Variants in ANLN observed in about 807,000 individuals in gnomAD.
ANLN encodes anillin, actin binding protein, also known as anillin.
ANLN carries 59 observed loss-of-function variants against 135.1 expected under a neutral mutation model. That is an observed-to-expected ratio of 0.44 (90% CI 0.35 to 0.54). The LOEUF is 0.54. Ranked by LOEUF, ANLN falls within the 20% of genes least tolerant of loss-of-function variation. The probability of loss-of-function intolerance (pLI) is 0.00; values close to 1 mark genes in which losing one functional copy is unlikely to be tolerated. For missense variants in ANLN, 1,182 were observed against 1,340.0 expected, an observed-to-expected ratio of 0.88 and a Z score of 1.84; for synonymous variants, 406 against 456.4, an observed-to-expected ratio of 0.89 and a Z score of 1.41.
intron 7 of ANLN, among the ~76,000 whole-genome samples, chr7:36,414,934 T>G (rs1175895244): frequency 6.6e-6 from 1 of 152,170 alleles, no homozygotes; most frequent in Non-Finnish European, 1.5e-5. Context: ...GTACCTAACA[T>G]AGAGGGTTAT....
intron 5 of ANLN, among the ~76,000 whole-genome samples, chr7:36,408,861 G>C (rs146367571): frequency 3.9e-5 from 6 of 152,124 alleles, no homozygotes; most frequent in African/African-American, 1.2e-4. Context: ...ACACTTCCAC[G>C]TACTGTTAAT....
At chr7:36,444,487 A>G (rs1180367807) in intron 22 of ANLN, among the ~76,000 whole-genome samples, 3 of 151,960 alleles carry the variant, frequency 2.0e-5, no homozygotes, top group Admixed American at 1.3e-4. Flanking sequence ...TTTAAATTTA[A>G]TTTTTTATCT....
chr7:36,394,954 A>G (rs1786635786), intron 1 of ANLN, among the ~76,000 whole-genome samples: 1 of 152,220 alleles, frequency 6.6e-6, no homozygotes, highest in South Asian at 2.1e-4. Flanking sequence ...TGGAATGGCT[A>G]AGATTTCAAT....
At chr7:36,425,557 G>A in intron 17 of ANLN, 145 bp from the exon 18 acceptor site, 1 of 646,390 alleles carries the variant, frequency 1.5e-6, no homozygotes. Context: ...GCCTCCCAAA[G>A]TGATGGGATT....
intron 22 of ANLN, among the ~76,000 whole-genome samples, chr7:36,448,398 C>T (rs1789106748): frequency 1.3e-5 from 2 of 152,230 alleles, no homozygotes; most frequent in East Asian, 1.9e-4. Flanking sequence ...ATTAATTATT[C>T]GTTTTCAGGT....
chr7:36,406,116 C>A, intron 3 of ANLN, 65 bp from the exon 4 acceptor site: 10 of 1,465,552 alleles, frequency 6.8e-6, no homozygotes, highest in Non-Finnish European at 9.2e-6. Context: ...TAGAGTGATC[C>A]TGGTATTATA....
Position 36,422,752 on chromosome 7 carries a change from T to G in ANLN, c.2419T>G (p.Ser807Ala), listed in dbSNP as rs767303054. ...FMPSKGSVTL[S>A]EIRLPLKADF... is the part of the protein sequence containing the mutation. ...GCCATCCAAAGGATCAGTTACTTTG[T>G]CAGAAATCCGCTTGCCTCTAAAAGC... The change falls in exon 14 of 24, where the codon TCA (serine) becomes GCA (alanine). Residue 807 changes from serine (S) to alanine (A), a missense_variant. By Grantham distance (99) the Ser-to-Ala change is moderately conservative (BLOSUM62 1). Around this residue, in one of 3 missense-constraint regions of ANLN, gnomAD observed 1,022 missense variants for 1,134.0 expected, o/e 0.90. Coordinates refer to ENST00000265748, the MANE Select transcript of ANLN (RefSeq NM_018685.5). The G allele has an allele frequency of 1.2e-6, 2 of 1,613,554 alleles. No individual in the cohort carries two copies. Among genetic ancestry groups the G allele is most frequent in the Non-Finnish European group, 1.7e-6 (2 of 1,179,796 alleles).
At chr7:36,448,039 G>A (rs1789087456) in intron 22 of ANLN, among the ~76,000 whole-genome samples, 1 of 151,732 alleles carries the variant, frequency 6.6e-6, no homozygotes, top group Non-Finnish European at 1.5e-5. Context: ...TTTTGAGACA[G>A]GGTCTCGCTC....
chr7:36,417,424 T>TC (rs1367508820), intron 9 of ANLN, among the ~76,000 whole-genome samples: 1 of 152,112 alleles, frequency 6.6e-6, no homozygotes, highest in Admixed American at 6.5e-5. Flanking sequence ...GTTGCTGCCC[T>TC]CCCACGCTCT....
Position 36,407,786 on chromosome 7 carries a change from G to C in ANLN, c.926G>C (p.Cys309Ser). 6.2e-7 allele frequency: 1 copy of C among 1,613,812 alleles called. No homozygotes were observed. The highest frequency in any genetic ancestry group is 8.5e-7 in the Non-Finnish European group (1 of 1,179,826). Residue 309 changes from cysteine to serine, a missense_variant, in exon 5 of 24, where the codon TGT becomes TCT. Cys to Ser is a moderately radical substitution (Grantham distance 112, BLOSUM62 -1). Transcript: ENST00000265748. The stretch of plus-strand genomic sequence containing the variant: ...ACATCTATCACTGATGCTAAAAGTT[G>C]TGAGGGACAAAATCCTGAGCTACTT... ...STTSITDAKS[C>S]EGQNPELLPK...
intron 4 of ANLN, 120 bp from the exon 5 acceptor site, chr7:36,407,614 A>G: frequency 1.3e-6 from 1 of 775,674 alleles, no homozygotes; most frequent in Non-Finnish European, 2.0e-6. Context: ...GAGCAAAATC[A>G]TTTCATTTTC....
At chr7:36,425,857 C>A in intron 18 of ANLN, 117 bp downstream of exon 18, 1 of 1,172,248 alleles carries the variant, frequency 8.5e-7, no homozygotes. Context: ...TTAACATGTA[C>A]TAATGGGGGG....
chr7:36,418,754 C>CTTT (rs71553066), intron 9 of ANLN, among the ~76,000 whole-genome samples: 31 of 143,804 alleles, frequency 2.2e-4, no homozygotes, highest in African/African-American at 3.8e-4. Flanking sequence ...TTTCTTTTTT[C>CTTT]TTTTTTTTTT....
rs539935042 is a variant in ANLN, at chr7:36,428,443, ACTAT to A, written c.2883+1418_2883+1421del. 2.5e-3 allele frequency: 1,847 copies of A among 738,072 alleles called. 22 individuals carry two copies. The highest frequency in any genetic ancestry group is 0.019 in the South Asian group (1,179 of 62,260). The allele number at this position is 738,072 out of a possible 1,614,324, so 45.7% of individuals were successfully genotyped here. ...TGATCTACATATATTTGTTTTACTA[ACTAT>A]CTTTTTGTTTACTTTGAATAATTAA... On this transcript the variant is annotated intron_variant, in intron 20 of 23. Transcript: ENST00000265748.
intron 13 of ANLN, 48 bp downstream of exon 13, chr7:36,422,040 A>C: frequency 6.3e-7 from 1 of 1,583,444 alleles, no homozygotes. Flanking sequence ...CTAACCAGGG[A>C]AAACTCATTT....
At chr7:36,446,580 G>T (rs1483097269) in intron 22 of ANLN, among the ~76,000 whole-genome samples, 1 of 152,296 alleles carries the variant, frequency 6.6e-6, no homozygotes, top group Middle Eastern at 3.4e-3. Context: ...GAGCGAGCAA[G>T]TGAGCAAGGG....
At position 36,431,360 on chromosome 7, in the gene ANLN, T is replaced by C. The variant is rs948955930; in HGVS notation, c.2883+4332T>C. Among the ~76,000 whole-genome samples, 4 of 151,936 alleles carry C rather than the reference T, an allele frequency of 2.6e-5. 1 individual carries two copies. The highest frequency in any genetic ancestry group is 9.7e-5 in the African/African-American group (4 of 41,446). On this transcript the variant is annotated intron_variant, in intron 20 of 23. Coordinates refer to ENST00000265748, the MANE Select transcript of ANLN (RefSeq NM_018685.5). ...TTTGCTATGTTAGAGGGTCAAATCA[T>C]TGGAAACTAATTATACTAAAAACTC...
At chr7:36,410,310 A>G (rs1226592378) in intron 5 of ANLN, among the ~76,000 whole-genome samples, 9 of 150,988 alleles carry the variant, frequency 6.0e-5, no homozygotes, top group African/African-American at 1.7e-4. Flanking sequence ...ACTAAATTCT[A>G]TGAGTAGGTT....
At chr7:36,423,497 C>A (rs1583629214) in intron 14 of ANLN, among the ~76,000 whole-genome samples, 2 of 151,736 alleles carry the variant, frequency 1.3e-5, no homozygotes. Flanking sequence ...CATAATTTAC[C>A]CTTTTGAGAT....
Sources: allele counts gnomAD v4.1 joint callset (sites outside exome capture counted in the v4.1 genomes callset), GRCh38; gene constraint gnomAD v4.1.1; regional missense constraint gnomAD v4.1.1; transcripts MANE v1.5; gene names NCBI Gene and HGNC (gene_info 2026-07-23, HGNC 2026-07-21).